The following TENM2 variants were observed in gnomAD, a reference collection of about 807,000 sequenced individuals.
The protein encoded by TENM2 is teneurin transmembrane protein 2, also known as teneurin-2.
TENM2 carries 52 observed loss-of-function variants against 245.2 expected under a neutral mutation model. The ratio of observed to expected loss-of-function variants is 0.21; its 90% CI spans 0.17 to 0.27. TENM2 has a LOEUF of 0.27. TENM2 is among the 10% of genes least tolerant of loss of function. The probability of loss-of-function intolerance (pLI) is 1.00; values close to 1 mark genes in which losing one functional copy is unlikely to be tolerated. For synonymous variants in TENM2, 1,363 were observed against 1,438.9 expected (o/e 0.95, Z 1.19); for missense variants, 3,046 against 3,666.8 (o/e 0.83, Z 4.37).
intron 2 of TENM2, among the ~76,000 whole-genome samples, chr5:167,684,387 C>T (rs913330260): frequency 2.6e-5 from 4 of 152,178 alleles, no homozygotes; most frequent in Admixed American, 6.5e-5. Flanking sequence ...ATGAAAAATG[C>T]ACCACTTTCT....
chr5:167,281,069 CA>C (rs1771029203), upstream of TENM2, among the ~76,000 whole-genome samples: 1 of 151,560 alleles, frequency 6.6e-6, no homozygotes, highest in African/African-American at 2.4e-5. Context: ...TCCAGATTTT[CA>C]TATATAATTC....
intron 2 of TENM2, among the ~76,000 whole-genome samples, chr5:167,769,983 G>T (rs949598350): frequency 4.6e-5 from 7 of 152,118 alleles, no homozygotes; most frequent in Admixed American, 2.6e-4. Flanking sequence ...TGTTCACATG[G>T]GAAATTCAAA....
chr5:167,152,779 C>G, the TENM2 span, among the ~76,000 whole-genome samples: 1 of 152,104 alleles, frequency 6.6e-6, no homozygotes, highest in Non-Finnish European at 1.5e-5. Flanking sequence ...TGACTCACCT[C>G]TAGGGCAGGA....
At chr5:167,808,249 T>C (rs1018008936) in intron 2 of TENM2, among the ~76,000 whole-genome samples, 24 of 152,192 alleles carry the variant, frequency 1.6e-4, no homozygotes, top group African/African-American at 5.8e-4. Context: ...GACATGGAAC[T>C]TCTTTTTTGT....
intron 13 of TENM2, among the ~76,000 whole-genome samples, chr5:168,188,984 G>A (rs542541384): frequency 6.6e-6 from 1 of 152,194 alleles, no homozygotes; most frequent in African/African-American, 2.4e-5. Context: ...AGTCCTGGAG[G>A]CTGGGAAGTC....
At chr5:167,452,961 A>ATATAT (rs1561968262) in intron 2 of TENM2, among the ~76,000 whole-genome samples, 54 of 77,074 alleles carry the variant, frequency 7.0e-4, no homozygotes, top group African/African-American at 2.2e-3. Flanking sequence ...ATATATATAT[A>ATATAT]TTTAAAAAAA....
chr5:167,098,359 A>C, the TENM2 span, among the ~76,000 whole-genome samples: 1 of 152,186 alleles, frequency 6.6e-6, no homozygotes, highest in Non-Finnish European at 1.5e-5. Context: ...TATTCATAAT[A>C]GAAGAAAGCT....
chr5:167,859,324 A>G (rs1226906195), intron 2 of TENM2, among the ~76,000 whole-genome samples: 22 of 127,866 alleles, frequency 1.7e-4, no homozygotes, highest in African/African-American at 4.2e-4. Context: ...CAGCCACCCC[A>G]TCTGGGAAGT....
the TENM2 span, among the ~76,000 whole-genome samples, chr5:167,260,688 A>G: frequency 6.6e-6 from 1 of 152,250 alleles, no homozygotes; most frequent in Non-Finnish European, 1.5e-5. Flanking sequence ...ATTTTAAATG[A>G]ACACATATTT....
At chr5:167,187,272 G>A in the TENM2 span, among the ~76,000 whole-genome samples, 1 of 152,256 alleles carries the variant, frequency 6.6e-6, no homozygotes, top group Non-Finnish European at 1.5e-5. Context: ...TGAGTGACCT[G>A]ACTTTTAGGA....
chr5:168,115,402 AAGGAAG>A (rs1462905655), intron 9 of TENM2, among the ~76,000 whole-genome samples: 12 of 82,768 alleles, frequency 1.4e-4, no homozygotes, highest in African/African-American at 3.5e-4. Flanking sequence ...GGAAGGAAGG[AAGGAAG>A]GGAAAGGAAA....
chr5:168,245,471 T>G (rs532132970), intron 26 of TENM2, among the ~76,000 whole-genome samples: 2 of 151,836 alleles, frequency 1.3e-5, no homozygotes, highest in Non-Finnish European at 2.9e-5. Flanking sequence ...ATTTGCCCTG[T>G]TGGCTGAAAC....
At chr5:168,004,751 C>A (rs1581030806) in intron 5 of TENM2, among the ~76,000 whole-genome samples, 1 of 152,144 alleles carries the variant, frequency 6.6e-6, no homozygotes, top group Admixed American at 6.5e-5. Context: ...GTTTCTTTTT[C>A]CTCCTCTCTC....
intron 21 of TENM2, among the ~76,000 whole-genome samples, chr5:168,216,348 T>C (rs1392276378): frequency 6.6e-6 from 1 of 152,236 alleles, no homozygotes; most frequent in Non-Finnish European, 1.5e-5. Context: ...TCATCATTTC[T>C]CAGCATTACT....
At chr5:167,022,312 G>A in the TENM2 span, among the ~76,000 whole-genome samples, 1 of 152,204 alleles carries the variant, frequency 6.6e-6, no homozygotes, top group Non-Finnish European at 1.5e-5. Context: ...AGTAGATGCA[G>A]TCCAAGTGAG....
the TENM2 span, among the ~76,000 whole-genome samples, chr5:167,124,451 A>C: frequency 1.3e-5 from 2 of 152,200 alleles, no homozygotes; most frequent in African/African-American, 4.8e-5. Flanking sequence ...ACAACCTTAT[A>C]TAAAACCTTG....
chr5:167,869,848 A>G (rs1772665948), intron 2 of TENM2, among the ~76,000 whole-genome samples: 1 of 152,104 alleles, frequency 6.6e-6, no homozygotes. Flanking sequence ...AAAAAAAAAA[A>G]TCATTAAATG....
At chr5:167,642,833 C>A (rs1221220616) in intron 2 of TENM2, among the ~76,000 whole-genome samples, 1 of 152,130 alleles carries the variant, frequency 6.6e-6, no homozygotes, top group Non-Finnish European at 1.5e-5. Flanking sequence ...ACACCAAGCC[C>A]CCCTTAGCAT....
the TENM2 span, among the ~76,000 whole-genome samples, chr5:167,128,252 C>T: frequency 1.1e-4 from 16 of 152,236 alleles, no homozygotes; most frequent in African/African-American, 3.1e-4. Flanking sequence ...TTAAAAATGA[C>T]ATTTCTCAGC....
Sources: allele counts gnomAD v4.1 joint callset (sites outside exome capture counted in the v4.1 genomes callset), GRCh38; gene constraint gnomAD v4.1.1; transcripts MANE v1.5; gene names NCBI Gene and HGNC (gene_info 2026-07-23, HGNC 2026-07-21).